The following TBC1D9 variants were observed in gnomAD, a reference collection of about 807,000 sequenced individuals.
The protein encoded by TBC1D9 is TBC1 domain family member 9A.
TBC1D9 carries 63 observed loss-of-function variants against 132.0 expected under a neutral mutation model. That is an observed-to-expected ratio of 0.48 (90% CI 0.39 to 0.59). TBC1D9 has a LOEUF of 0.59. TBC1D9 is among the 20% of genes least tolerant of loss of function. TBC1D9 has a pLI of 0.00. For synonymous variants in TBC1D9, 610 were observed against 609.9 expected (o/e 1.00, Z 0.00); for missense variants, 1,261 against 1,592.7 (o/e 0.79, Z 3.54).
chr4:140,723,374 C>T (rs1738452089), intron 1 of TBC1D9, among the ~76,000 whole-genome samples: 2 of 152,170 alleles, frequency 1.3e-5, no homozygotes, highest in South Asian at 2.1e-4. Flanking sequence ...CTCACTCTGT[C>T]GCCCAGGCCA....
chr4:140,646,947 C>A (rs1737111858), intron 13 of TBC1D9, among the ~76,000 whole-genome samples: 1 of 152,184 alleles, frequency 6.6e-6, no homozygotes, highest in South Asian at 2.1e-4. Context: ...GAAAAGCAAT[C>A]ATATTTAATT....
chr4:140,709,275 CACACACACACACA>C (rs1322139197), intron 1 of TBC1D9, among the ~76,000 whole-genome samples: 10 of 151,532 alleles, frequency 6.6e-5, no homozygotes, highest in African/African-American at 2.4e-4. Context: ...CACACACACA[CACACACACACACA>C]CCCCAATTCA....
chr4:140,709,308 G>A (rs565739554), intron 1 of TBC1D9, among the ~76,000 whole-genome samples: 37 of 143,666 alleles, frequency 2.6e-4, no homozygotes, highest in East Asian at 4.2e-4. Context: ...ATCATTGTTC[G>A]TCAAAAGATG....
chr4:140,702,137 C>T (rs1738079459), intron 1 of TBC1D9, among the ~76,000 whole-genome samples: 1 of 152,182 alleles, frequency 6.6e-6, no homozygotes, highest in South Asian at 2.1e-4. Flanking sequence ...CAGGGCTAAC[C>T]AGAGCCTGGT....
At chr4:140,623,925 G>A (rs1016433817) in intron 20 of TBC1D9, among the ~76,000 whole-genome samples, 191 bp downstream of exon 20, 1 of 152,114 alleles carries the variant, frequency 6.6e-6, no homozygotes, top group African/African-American at 2.4e-5. Flanking sequence ...CTCTGAGGAA[G>A]TCGTTTTTTC....
At chr4:140,629,606 G>C (rs1407500042) in intron 16 of TBC1D9, among the ~76,000 whole-genome samples, 2 of 152,038 alleles carry the variant, frequency 1.3e-5, no homozygotes, top group African/African-American at 4.8e-5. Context: ...GATGTGATTT[G>C]TTTATCCTTC....
intron 10 of TBC1D9, among the ~76,000 whole-genome samples, chr4:140,661,167 G>A (rs1341919188): frequency 6.6e-6 from 1 of 152,152 alleles, no homozygotes; most frequent in African/African-American, 2.4e-5. Flanking sequence ...TCCGGCCTTG[G>A]CTTACCAAAG....
intron 12 of TBC1D9, 122 bp downstream of exon 12, chr4:140,657,405 C>T: frequency 7.4e-7 from 1 of 1,345,524 alleles, no homozygotes; most frequent in Non-Finnish European, 1.0e-6. Flanking sequence ...AAAATAAATC[C>T]TCAGCCACAG....
intron 20 of TBC1D9, among the ~76,000 whole-genome samples, chr4:140,623,737 TG>T (rs991577261): frequency 6.6e-6 from 1 of 152,194 alleles, no homozygotes; most frequent in African/African-American, 2.4e-5. Flanking sequence ...TTATTTATAT[TG>T]TTTTTTTCTT....
At chr4:140,652,291 C>A (rs1403790353) in intron 13 of TBC1D9, among the ~76,000 whole-genome samples, 5 of 151,658 alleles carry the variant, frequency 3.3e-5, no homozygotes, top group African/African-American at 4.8e-5. Flanking sequence ...TAGACAAATG[C>A]TGTTTCTTGC....
At chr4:140,755,507 C>A (rs72720343) in intron 1 of TBC1D9, among the ~76,000 whole-genome samples, 7,470 of 152,178 alleles carry the variant, frequency 0.049, 219 homozygotes, top group South Asian at 0.088. Context: ...TATACCTGAT[C>A]CTGCTGTTGC....
In TBC1D9 at chr4:140,639,013, C is replaced by A. The variant is rs780650427; in HGVS notation, c.2505+73G>T. 3.2e-4 allele frequency: 352 copies of A among 1,114,000 alleles called. 2 individuals carry two copies. Among genetic ancestry groups the A allele is most frequent in the South Asian group, 1.4e-3 (90 of 66,590 alleles). The allele number at this position is 1,114,000 out of a possible 1,614,324, so 69.0% of individuals were successfully genotyped here. Reference sequence around the variant, plus strand: ...TTATCCCTTAATTTAACAGAAAAATCAAGAACTAACTGAATTATTAAGGTG... The same window carrying A: ...TTATCCCTTAATTTAACAGAAAAATAAAGAACTAACTGAATTATTAAGGTG... On this transcript the variant is annotated intron_variant, in intron 15 of 20. Coordinates refer to ENST00000442267, the MANE Select transcript of TBC1D9 (RefSeq NM_015130.3).
intron 11 of TBC1D9, among the ~76,000 whole-genome samples, chr4:140,658,539 A>C (rs1170779034): frequency 6.6e-6 from 1 of 152,036 alleles, no homozygotes; most frequent in Admixed American, 6.6e-5. Context: ...CTTATTAATT[A>C]AAAAAAATAA....
intron 17 of TBC1D9, 32 bp from the exon 18 acceptor site, chr4:140,627,559 T>C: frequency 7.5e-7 from 1 of 1,331,410 alleles, no homozygotes; most frequent in Non-Finnish European, 1.1e-6. Flanking sequence ...GTTCTCATAT[T>C]GGTAGGGCCA....
intron 1 of TBC1D9, among the ~76,000 whole-genome samples, chr4:140,732,300 T>C (rs1019087955): frequency 2.0e-5 from 3 of 152,196 alleles, no homozygotes; most frequent in African/African-American, 7.2e-5. Context: ...CAAGTCTCCA[T>C]GGACAGTTGC....
intron 1 of TBC1D9, among the ~76,000 whole-genome samples, chr4:140,742,747 C>CCCTCCTCCTGT (rs1194683967): frequency 5.3e-5 from 8 of 151,924 alleles, no homozygotes. Flanking sequence ...AAAAGGTGAC[C>CCCTCCTCCTGT]CCTCCTCCTG....
rs1424325856 is a variant in TBC1D9 at position 140,643,476 on chromosome 4, C to T, written c.2338-4048G>A. 3.2e-5 allele frequency: 29 copies of T among 894,406 alleles called. No homozygotes were observed. In the South Asian group the frequency reaches 3.7e-4, roughly 12 times the overall value. 55.4% of individuals were successfully genotyped at this position (894,406 alleles called of 1,614,324 possible). A position where few individuals can be genotyped will look rare whatever the true frequency, so the allele number is the denominator to read the frequency against. On this transcript the variant is annotated intron_variant, in intron 13 of 20. Coordinates refer to ENST00000442267, the MANE Select transcript of TBC1D9 (RefSeq NM_015130.3). ...TGCCTCTTCCAGGTAGCAGGTGCTG[C>T]CGGGCACAGGCACGGCCTCCCGGGG... is the stretch of plus-strand genomic sequence containing the variant.
At chr4:140,718,028 A>G (rs535873502) in intron 1 of TBC1D9, among the ~76,000 whole-genome samples, 1 of 152,362 alleles carries the variant, frequency 6.6e-6, no homozygotes, top group East Asian at 1.9e-4. Flanking sequence ...CAAATAAAGC[A>G]TAAAAGCATT....
intron 15 of TBC1D9, among the ~76,000 whole-genome samples, chr4:140,634,791 C>T (rs778913908): frequency 2.0e-5 from 3 of 152,178 alleles, no homozygotes; most frequent in Non-Finnish European, 2.9e-5. Flanking sequence ...CAGTATTCAA[C>T]CTACAAGTGT....
Sources: gnomAD v4.1 joint callset for allele counts (sites outside exome capture counted in the v4.1 genomes callset) on GRCh38, gnomAD v4.1.1 for gene constraint, MANE v1.5 for transcripts, NCBI Gene and HGNC (gene_info 2026-07-23, HGNC 2026-07-21) for gene names.